SOX6: variants seen among roughly 807,000 people sequenced by gnomAD.
SOX6 encodes transcription factor SOX-6.
SOX6 carries 11 observed loss-of-function variants against 97.8 expected under a neutral mutation model. The ratio of observed to expected loss-of-function variants is 0.11; its 90% CI spans 0.07 to 0.19. SOX6 has a LOEUF of 0.19. SOX6 is among the 10% of genes least tolerant of loss of function. SOX6 has a pLI of 1.00. For synonymous variants in SOX6, 360 were observed against 371.4 expected (o/e 0.97, Z 0.35); for missense variants, 810 against 1,039.5 (o/e 0.78, Z 3.04).
At chr11:16,179,097 T>A (rs961416529) in intron 6 of SOX6, among the ~76,000 whole-genome samples, 36 of 151,900 alleles carry the variant, frequency 2.4e-4, no homozygotes, top group Non-Finnish European at 5.9e-5. Context: ...CTACTTCACA[T>A]AAAAAGGTAG....
intron 3 of SOX6, among the ~76,000 whole-genome samples, chr11:16,260,722 A>G (rs1269732030): frequency 6.6e-6 from 1 of 152,222 alleles, no homozygotes; most frequent in Non-Finnish European, 1.5e-5. Context: ...GAAGCAATCT[A>G]GGAAAGGTAC....
chr11:16,133,856 T>C (rs117873946), intron 6 of SOX6, among the ~76,000 whole-genome samples: 75 of 152,216 alleles, frequency 4.9e-4, no homozygotes, highest in Non-Finnish European at 9.9e-4. Flanking sequence ...GCCCAGCTAA[T>C]TTTTGCATTT....
chr11:16,601,360 C>T (rs1848267688), intron 4 of SOX6, among the ~76,000 whole-genome samples: 1 of 152,092 alleles, frequency 6.6e-6, no homozygotes, highest in African/African-American at 2.4e-5. Flanking sequence ...TTCTCAGACA[C>T]ATTAGCTTGA....
intron 4 of SOX6, among the ~76,000 whole-genome samples, chr11:16,543,910 A>C (rs981198257): frequency 6.6e-6 from 1 of 152,204 alleles, no homozygotes; most frequent in Admixed American, 6.6e-5. Flanking sequence ...CAGTTGTTCA[A>C]CCATAAACAT....
chr11:16,538,132 C>T (rs1245859890), intron 4 of SOX6, among the ~76,000 whole-genome samples: 2 of 152,118 alleles, frequency 1.3e-5, no homozygotes, highest in Admixed American at 6.6e-5. Flanking sequence ...GATCTCTCTG[C>T]AGAAACCGTA....
intron 15 of SOX6, among the ~76,000 whole-genome samples, chr11:15,978,030 C>CCTCT (rs1853541942): frequency 6.6e-6 from 1 of 152,000 alleles, no homozygotes; most frequent in Admixed American, 6.6e-5. Context: ...AAGGCTAACC[C>CCTCT]CTCTGCTTGT....
chr11:16,560,018 A>G (rs1315755671), intron 4 of SOX6, among the ~76,000 whole-genome samples: 1 of 152,222 alleles, frequency 6.6e-6, no homozygotes, highest in Non-Finnish European at 1.5e-5. Context: ...GACTACAACC[A>G]TAGTTAGCAC....
chr11:16,594,412 T>C (rs1441612385), intron 4 of SOX6, among the ~76,000 whole-genome samples: 3 of 152,126 alleles, frequency 2.0e-5, no homozygotes, highest in African/African-American at 7.2e-5. Flanking sequence ...AAGCTAACAA[T>C]TTCTTTAAAA....
chr11:16,171,313 T>A (rs958355236), intron 6 of SOX6, among the ~76,000 whole-genome samples: 5 of 152,008 alleles, frequency 3.3e-5, no homozygotes, highest in African/African-American at 9.7e-5. Flanking sequence ...AGCCCTGCAA[T>A]TAATGGGGAA....
chr11:16,192,355 G>A (rs1279577163), intron 4 of SOX6, among the ~76,000 whole-genome samples: 1 of 151,598 alleles, frequency 6.6e-6, no homozygotes, highest in South Asian at 2.1e-4. Context: ...TTTCTTAGGG[G>A]CCTTTATTCC....
At chr11:16,521,829 A>T in intron 4 of SOX6, among the ~76,000 whole-genome samples, 1 of 152,234 alleles carries the variant, frequency 6.6e-6, no homozygotes, top group East Asian at 1.9e-4. Context: ...CTATGTGAAG[A>T]ATGCAGAAGC....
At chr11:15,988,605 C>G (rs750289583) in intron 14 of SOX6, among the ~76,000 whole-genome samples, 5 of 152,150 alleles carry the variant, frequency 3.3e-5, no homozygotes, top group Non-Finnish European at 5.9e-5. Context: ...TCTATGAGTA[C>G]TTCATAGCAA....
intron 6 of SOX6, among the ~76,000 whole-genome samples, chr11:16,117,351 C>CA (rs1221370801): frequency 4.0e-5 from 6 of 149,334 alleles, no homozygotes; most frequent in South Asian, 4.4e-4. Flanking sequence ...GACTCCATCT[C>CA]AAAAAACAAA....
intron 1 of SOX6, among the ~76,000 whole-genome samples, chr11:16,352,498 T>C (rs990639387): frequency 5.3e-5 from 8 of 152,182 alleles, no homozygotes; most frequent in Admixed American, 5.2e-4. Flanking sequence ...AAACTGTTTA[T>C]TAAAACAATA....
chr11:16,367,597 T>C (rs1162855837), intron 1 of SOX6, among the ~76,000 whole-genome samples: 1 of 152,158 alleles, frequency 6.6e-6, no homozygotes, highest in Admixed American at 6.6e-5. Flanking sequence ...AAGATTTATC[T>C]CAGATAACTT....
chr11:16,231,643 A>G (rs1009331767), intron 4 of SOX6, among the ~76,000 whole-genome samples: 1 of 151,766 alleles, frequency 6.6e-6, no homozygotes, highest in African/African-American at 2.4e-5. Context: ...AATATAACCT[A>G]AATAACCACT....
intron 4 of SOX6, among the ~76,000 whole-genome samples, chr11:16,567,759 T>TTTTATG: frequency 6.7e-6 from 1 of 148,434 alleles, no homozygotes. Flanking sequence ...GTATTTTTAG[T>TTTTATG]AGAGACGGGG....
intron 3 of SOX6, among the ~76,000 whole-genome samples, chr11:16,649,095 C>G (rs1041525938): frequency 6.6e-6 from 1 of 151,962 alleles, no homozygotes; most frequent in Non-Finnish European, 1.5e-5. Flanking sequence ...AAAAAAAGAA[C>G]AAAGCCTCCA....
chr11:16,326,914 G>A (rs917535926), intron 2 of SOX6, among the ~76,000 whole-genome samples: 1 of 152,104 alleles, frequency 6.6e-6, no homozygotes, highest in Non-Finnish European at 1.5e-5. Context: ...AGAGTTCGGG[G>A]CTGAGATAAC....
Sources: gnomAD v4.1 joint callset for allele counts (sites outside exome capture counted in the v4.1 genomes callset) on GRCh38, gnomAD v4.1.1 for gene constraint, MANE v1.5 for transcripts, NCBI Gene and HGNC (gene_info 2026-07-23, HGNC 2026-07-21) for gene names.